EMC10: variants seen among roughly 807,000 people sequenced by gnomAD.
EMC10 encodes ER membrane protein complex subunit 10.
A neutral mutation model predicts 32.2 loss-of-function variants in EMC10; 40 were observed. The observed-to-expected ratio is 1.24, with a 90% CI of 0.96 to 1.61. EMC10 has a LOEUF of 1.61. Ranked by LOEUF, EMC10 falls within the 40% of genes most tolerant of loss-of-function variation. The pLI, the probability that EMC10 is intolerant of heterozygous loss-of-function variation, is 0.00. For synonymous variants in EMC10, 178 were observed against 158.4 expected, an observed-to-expected ratio of 1.12 and a Z score of -0.93; for missense variants, 402 against 357.7, an observed-to-expected ratio of 1.12 and a Z score of -1.00.
chr19:50,490,017 C>A lies in EMC10; in HGVS notation c.*7758C>A. The A allele has an allele frequency of 6.6e-6, 1 of 152,350 alleles. No homozygotes were observed. The highest frequency in any genetic ancestry group is 1.5e-5 in the Non-Finnish European group (1 of 68,104). 9.4% of individuals were successfully genotyped at this position (152,350 alleles called of 1,614,324 possible). A position where few individuals can be genotyped will look rare whatever the true frequency, so the allele number is the denominator to read the frequency against. ...AAAAGGCAGAGAAAGCAAAGCAAGA[C>A]CAGACTCCTCATCCGGTAACACTGT... On this transcript the variant is annotated 3_prime_UTR_variant, in exon 7 of 7. Coordinates refer to ENST00000334976, the MANE Select transcript of EMC10 (RefSeq NM_206538.4).
rs2040309111 is a variant in EMC10 at position 50,480,873 on chromosome 19, C to A, written c.585-11C>A. 1 of 1,596,710 alleles carries A rather than the reference C, an allele frequency of 6.3e-7. No homozygotes were observed. Among genetic ancestry groups the A allele is most frequent in the African/African-American group, 1.3e-5 (1 of 74,444 alleles). On this transcript the variant is annotated splice_polypyrimidine_tract_variant and intron_variant, in intron 5 of 6. Coordinates refer to ENST00000334976, the MANE Select transcript of EMC10 (RefSeq NM_206538.4). This position sits in a 1 kb window ranked among gnomAD's most constrained non-coding sequence, Gnocchi z 4.4. ...GGGCCTCACCCTTCTCCTCCTCTCCCCTTGCCCCAGCCCTGAGACGGCGGC... is the reference window on the plus strand; with the variant it reads ...GGGCCTCACCCTTCTCCTCCTCTCCACTTGCCCCAGCCCTGAGACGGCGGC...
In EMC10 at chr19:50,480,459, A is replaced by T; in HGVS notation, c.403-122A>T. Reference sequence around the variant, plus strand: ...GCGGTTGAACTTGGGCCTGAGGGTAACAGGGAGCCATGGGAAGGTTTTGAA... The same window carrying T: ...GCGGTTGAACTTGGGCCTGAGGGTATCAGGGAGCCATGGGAAGGTTTTGAA... On this transcript the variant is annotated intron_variant, in intron 4 of 6. Coordinates refer to ENST00000334976, the MANE Select transcript of EMC10 (RefSeq NM_206538.4). This position sits in a 1 kb window ranked among gnomAD's most constrained non-coding sequence, Gnocchi z 4.4. 1 of 1,233,340 alleles carries T rather than the reference A, an allele frequency of 8.1e-7. No homozygotes were observed. The highest frequency in any genetic ancestry group is 1.1e-6 in the Non-Finnish European group (1 of 891,314). 76.4% of individuals were successfully genotyped at this position (1,233,340 alleles called of 1,614,324 possible).
Position 50,480,408 on chromosome 19 carries a change from G to A in EMC10, c.403-173G>A, listed in dbSNP as rs1055491805. 6.6e-6 allele frequency among the ~76,000 whole-genome samples: 1 copy of A among 152,198 alleles called. No individual in the cohort carries two copies. Among genetic ancestry groups the A allele is most frequent in the East Asian group, 1.9e-4 (1 of 5,184 alleles). The stretch of plus-strand genomic sequence containing the variant: ...GGTAGCGGGTGCTTTCATGGGGATA[G>A]CATTGTGAGGACTCCCGGGTGGGGG... On this transcript the variant is annotated intron_variant, in intron 4 of 6. Transcript: ENST00000334976. This position sits in a 1 kb window ranked among gnomAD's most constrained non-coding sequence, Gnocchi z 4.4.
At chr19:50,477,824 G>C in intron 1 of EMC10, 105 bp from the exon 2 acceptor site, 1 of 776,294 alleles carries the variant, frequency 1.3e-6, no homozygotes, top group Non-Finnish European at 2.0e-6. Flanking sequence ...TTGAAGATAA[G>C]GCTCCTCCCT....
chr19:50,481,758 TG>T, intron 6 of EMC10: 1 of 984,948 alleles, frequency 1.0e-6, no homozygotes, highest in Non-Finnish European at 1.5e-6. Context: ...CCTTGCCTGC[TG>T]GGCCCTGCCC....
chr19:50,481,111 C>A, intron 6 of EMC10, 134 bp downstream of exon 6: 1 of 666,670 alleles, frequency 1.5e-6, no homozygotes. Context: ...CCTGTGTGTC[C>A]TGGTACCTGG....
Position 50,480,886 on chromosome 19 carries a change from C to G in EMC10, c.587C>G (p.Pro196Arg), listed in dbSNP as rs767029184. The G allele has an allele frequency of 1.2e-6, 2 of 1,605,608 alleles. No individual in the cohort carries two copies. Among genetic ancestry groups the G allele is most frequent in the African/African-American group, 1.3e-5 (1 of 74,744 alleles). ...CTCCTCCTCTCCCCTTGCCCCAGCCCTGAGACGGCGGCCTTCATTGAGCGC... is the reference window on the plus strand; with the variant it reads ...CTCCTCCTCTCCCCTTGCCCCAGCCGTGAGACGGCGGCCTTCATTGAGCGC... Reference protein sequence around the residue: ...QLQPPTTAPGPETAAFIERLE... With the variant: ...QLQPPTTAPGRETAAFIERLE... The change falls in exon 6 of 7, where the codon CCT (proline) becomes CGT (arginine). Residue 196 changes from proline to arginine, a missense_variant and splice_region_variant. Coordinates refer to ENST00000334976, the MANE Select transcript of EMC10 (RefSeq NM_206538.4). This position sits in a 1 kb window ranked among gnomAD's most constrained non-coding sequence, Gnocchi z 4.4.
In EMC10 at chr19:50,477,019, G is replaced by GCCTC. The variant is rs1430365242; in HGVS notation, c.114+363_114+364insTCCC. 417 of 202,074 alleles carry GCCTC rather than the reference G, an allele frequency of 2.1e-3. 2 individuals are homozygous for GCCTC. Among genetic ancestry groups the GCCTC allele is most frequent in the African/African-American group, 9.4e-3 (402 of 42,968 alleles). The allele number at this position is 202,074 out of a possible 1,614,324, so 12.5% of individuals were successfully genotyped here. ...ATCTGTCATCCCAACGCTTAGGGAG[G>GCCTC]CCGAGGCGGGAGGATTGCTCTAGGC... On this transcript the variant is annotated intron_variant, in intron 1 of 6. Coordinates refer to ENST00000334976, the MANE Select transcript of EMC10 (RefSeq NM_206538.4).
chr19:50,485,932 A>T lies in EMC10; in HGVS notation c.*3673A>T, dbSNP rs769509151. ...GACTTCTGGTCTAAGATGTGAGAGC[A>T]CCTGGCAAGGTAAATGCTCCAGGAG... On this transcript the variant is annotated 3_prime_UTR_variant, in exon 7 of 7. Transcript: ENST00000334976. The T allele has an allele frequency of 6.6e-6, 1 of 152,054 alleles. No homozygotes were observed. Among genetic ancestry groups the T allele is most frequent in the Non-Finnish European group, 1.5e-5 (1 of 68,036 alleles). 9.4% of individuals were successfully genotyped at this position (152,054 alleles called of 1,614,324 possible).
rs1045562759 is a variant in EMC10 at position 50,483,888 on chromosome 19, ATAGTCT to A, written c.*1633_*1638del. On this transcript the variant is annotated 3_prime_UTR_variant, in exon 7 of 7. Coordinates refer to ENST00000334976, the MANE Select transcript of EMC10 (RefSeq NM_206538.4). ...ATTTTTGGTAACTTTAATAAAGAAG[ATAGTCT>A]TAGCATTGCTAACTTCTGTTTCTTT... 7.3e-5 allele frequency: 11 copies of A among 151,382 alleles called. No individual in the cohort carries two copies. The highest frequency in any genetic ancestry group is 5.3e-4 in the Admixed American group (8 of 15,158). 9.4% of individuals were successfully genotyped at this position (151,382 alleles called of 1,614,324 possible).
intron 2 of EMC10, 37 bp from the exon 3 acceptor site, chr19:50,478,920 G>T: frequency 1.3e-6 from 2 of 1,511,098 alleles, no homozygotes; most frequent in Non-Finnish European, 1.8e-6. Context: ...AAGGGTGGGC[G>T]GGGGAGGGGG....
chr19:50,482,210 G>T lies in EMC10; in HGVS notation c.740G>T (p.Gly247Val). The change falls in exon 7 of 7, where the codon GGC becomes GTC. Residue 247 changes from glycine (G) to valine (V), a missense_variant. Coordinates refer to ENST00000334976, the MANE Select transcript of EMC10 (RefSeq NM_206538.4). Reference sequence around the variant, plus strand: ...ATGTCAGGAGCGCCAGACACCGGGGGCCAGGGTGGGGGTGGGGGTGGGGGT... The same window carrying T: ...ATGTCAGGAGCGCCAGACACCGGGGTCCAGGGTGGGGGTGGGGGTGGGGGT... ...LMMSGAPDTGGQGGGGGGGGG... is the reference protein window; with the variant it reads ...LMMSGAPDTGVQGGGGGGGGG... 1.2e-6 allele frequency: 1 copy of T among 849,516 alleles called. No homozygotes were observed. The highest frequency in any genetic ancestry group is 1.8e-6 in the Non-Finnish European group (1 of 548,454). The allele number at this position is 849,516 out of a possible 1,614,324, so 52.6% of individuals were successfully genotyped here. A position where few individuals can be genotyped will look rare whatever the true frequency, so the allele number is the denominator to read the frequency against.
At chr19:50,478,113 A>G in intron 2 of EMC10, 112 bp downstream of exon 2, 1 of 886,430 alleles carries the variant, frequency 1.1e-6, no homozygotes, top group Non-Finnish European at 1.7e-6. Context: ...CCATTTACTA[A>G]CAGATTTGCC....
rs554378866 is a variant in EMC10 at position 50,480,307 on chromosome 19, T to C, written c.402+92T>C. The stretch of plus-strand genomic sequence containing the variant: ...TCCACCATTCGAACCCCTGTGTTTC[T>C]GGAGCCCGCAGAGGCCTGGGAGACT... On this transcript the variant is annotated intron_variant, in intron 4 of 6. Coordinates refer to ENST00000334976, the MANE Select transcript of EMC10 (RefSeq NM_206538.4). The surrounding 1 kb of genome is among the most constrained non-coding windows in gnomAD (Gnocchi z 4.4). 5.8e-5 allele frequency: 77 copies of C among 1,332,316 alleles called. No individual in the cohort carries two copies. Among genetic ancestry groups the C allele is most frequent in the Non-Finnish European group, 7.7e-5 (74 of 956,176 alleles). The allele number at this position is 1,332,316 out of a possible 1,614,324, so 82.5% of individuals were successfully genotyped here.
At position 50,487,041 on chromosome 19, in the gene EMC10, C is replaced by G. The variant is rs561060779; in HGVS notation, c.*4782C>G. ...AGAGGATTCCACGCACTCAGAATGC[C>G]TCAGGCCGGCGCCTGTGGCTTCTCT... On this transcript the variant is annotated 3_prime_UTR_variant, in exon 7 of 7. Transcript: ENST00000334976. 96 of 152,222 alleles carry G rather than the reference C, an allele frequency of 6.3e-4. No homozygotes were observed. Among genetic ancestry groups the G allele is most frequent in the African/African-American group, 2.2e-3 (93 of 41,556 alleles). The allele number at this position is 152,222 out of a possible 1,614,324, so 9.4% of individuals were successfully genotyped here.
Position 50,480,064 on chromosome 19 carries a change from G to A in EMC10, c.298-47G>A, listed in dbSNP as rs995301219. On this transcript the variant is annotated intron_variant, in intron 3 of 6. Transcript: ENST00000334976. The surrounding 1 kb of genome is among the most constrained non-coding windows in gnomAD (Gnocchi z 4.4). ...CCTGGTGGGCATCACAGCCTGTCCAGGGCTGACACCATCCTTCTGACCAGC... is the reference window on the plus strand; with the variant it reads ...CCTGGTGGGCATCACAGCCTGTCCAAGGCTGACACCATCCTTCTGACCAGC... The A allele has an allele frequency of 1.3e-6, 2 of 1,504,744 alleles. No homozygotes were observed. The highest frequency in any genetic ancestry group is 1.8e-6 in the Non-Finnish European group (2 of 1,103,720). 93.2% of individuals were successfully genotyped at this position (1,504,744 alleles called of 1,614,324 possible). A position where few individuals can be genotyped will look rare whatever the true frequency, so the allele number is the denominator to read the frequency against.
At position 50,478,944 on chromosome 19, in the gene EMC10, G is replaced by C. The variant is rs2040273189; in HGVS notation, c.188-13G>C. ...CGGGGGAGGGGGCGTCTCTGAACCT[G>C]AGCTCCTCACAGATGACAGTGCCAA... On this transcript the variant is annotated splice_polypyrimidine_tract_variant and intron_variant, in intron 2 of 6. Coordinates refer to ENST00000334976, the MANE Select transcript of EMC10 (RefSeq NM_206538.4). 6.3e-7 allele frequency: 1 copy of C among 1,588,306 alleles called. No homozygotes were observed. Among genetic ancestry groups the C allele is most frequent in the Non-Finnish European group, 8.6e-7 (1 of 1,167,254 alleles).
chr19:50,477,397 T>C (rs1222672149), intron 1 of EMC10, among the ~76,000 whole-genome samples: 1 of 152,190 alleles, frequency 6.6e-6, no homozygotes, highest in African/African-American at 2.4e-5. Context: ...AGCGAGACCC[T>C]GTCTCAGAAA....
At position 50,484,550 on chromosome 19, in the gene EMC10, G is replaced by A. The variant is rs2040368961; in HGVS notation, c.*2291G>A. ...TCCAGGAAATGCCTGAGCTCCTTCA[G>A]GCTCCCCTAGCGTTCTGTTCTTATT... On this transcript the variant is annotated 3_prime_UTR_variant, in exon 7 of 7. Transcript: ENST00000334976. 1 of 152,146 alleles carries A rather than the reference G, an allele frequency of 6.6e-6. No homozygotes were observed. Among genetic ancestry groups the A allele is most frequent in the Non-Finnish European group, 1.5e-5 (1 of 68,036 alleles). The allele number at this position is 152,146 out of a possible 1,614,324, so 9.4% of individuals were successfully genotyped here. A position where few individuals can be genotyped will look rare whatever the true frequency, so the allele number is the denominator to read the frequency against.
Sources: gnomAD v4.1 joint callset for allele counts (sites outside exome capture counted in the v4.1 genomes callset) on GRCh38, gnomAD v4.1.1 for gene constraint, Gnocchi (gnomAD v3.1) non-coding constraint, MANE v1.5 for transcripts, NCBI Gene and HGNC (gene_info 2026-07-23, HGNC 2026-07-21) for gene names.